Variants in CCSER1 observed in about 807,000 individuals in gnomAD.
The protein encoded by CCSER1 is serine-rich coiled-coil domain-containing protein 1.
In CCSER1, 41 loss-of-function variants were observed where a neutral mutation model predicts 82.0. The ratio of observed to expected loss-of-function variants is 0.50; its 90% confidence interval spans 0.39 to 0.65. CCSER1 has a LOEUF of 0.65. CCSER1 is among the 30% of genes least tolerant of loss of function. The pLI is 0.00. For missense variants in CCSER1, 1,119 were observed against 1,064.2 expected, an observed-to-expected ratio of 1.05 and a Z score of -0.72; for synonymous variants, 414 against 383.9, an observed-to-expected ratio of 1.08 and a Z score of -0.92.
At chr4:90,915,604 C>T (rs1727238182) in intron 8 of CCSER1, among the ~76,000 whole-genome samples, 3 of 152,220 alleles carry the variant, frequency 2.0e-5, no homozygotes, top group Admixed American at 2.0e-4. Flanking sequence ...AAAACTGGCA[C>T]AAGACAGGGA....
chr4:91,050,074 A>G (rs1742860864), intron 9 of CCSER1, among the ~76,000 whole-genome samples: 1 of 152,186 alleles, frequency 6.6e-6, no homozygotes, highest in Admixed American at 6.5e-5. Flanking sequence ...AGTATTTCAT[A>G]TATACACATT....
chr4:91,001,750 C>T (rs142749179), intron 9 of CCSER1, among the ~76,000 whole-genome samples: 1 of 152,294 alleles, frequency 6.6e-6, no homozygotes, highest in African/African-American at 2.4e-5. Context: ...AGACCGTTTA[C>T]ATTCATTGTT....
chr4:90,857,703 A>G (rs13108843), intron 8 of CCSER1, among the ~76,000 whole-genome samples: 9,923 of 152,144 alleles, frequency 0.065, 428 homozygotes, highest in Non-Finnish European at 0.092. Context: ...ATTTTTCTTT[A>G]TATTTCTATG....
At chr4:90,138,985 G>A (rs1052404787) in intron 1 of CCSER1, among the ~76,000 whole-genome samples, 1 of 152,150 alleles carries the variant, frequency 6.6e-6, no homozygotes, top group African/African-American at 2.4e-5. Flanking sequence ...AACCCAGTAT[G>A]TTTCCTGTCC....
Position 91,465,149 on chromosome 4 carries a change from A to G in CCSER1, c.2218-133423A>G, listed in dbSNP as rs1278510693. Among the ~76,000 whole-genome samples, 4 of 152,356 alleles carry G rather than the reference A, an allele frequency of 2.6e-5. No homozygotes were observed. In the East Asian group the frequency reaches 7.7e-4, roughly 29 times the overall value. On this transcript the variant is annotated intron_variant, in intron 10 of 10. Coordinates refer to ENST00000509176, the MANE Select transcript of CCSER1 (RefSeq NM_001145065.2). ...ATGGAAAAGAACAGAAATTATAACA[A>G]ACTGTCTCTCAGATGACAGTGCAAT... is the stretch of plus-strand genomic sequence containing the variant.
intron 10 of CCSER1, among the ~76,000 whole-genome samples, chr4:91,520,770 C>A (rs1180992970): frequency 6.6e-6 from 1 of 152,034 alleles, no homozygotes; most frequent in African/African-American, 2.4e-5. Context: ...CTAATTTGTA[C>A]TTTTGTTTTT....
At chr4:91,471,277 T>C (rs965057243) in intron 10 of CCSER1, among the ~76,000 whole-genome samples, 2 of 152,116 alleles carry the variant, frequency 1.3e-5, no homozygotes, top group Non-Finnish European at 2.9e-5. Flanking sequence ...ATGGAGAAAT[T>C]AGGAGAAAAC....
rs190435629 is a variant in CCSER1, at chr4:91,272,520, G to A, written c.2217+186526G>A. On this transcript the variant is annotated intron_variant, in intron 10 of 10. Coordinates refer to ENST00000509176, the MANE Select transcript of CCSER1 (RefSeq NM_001145065.2). ...TTGTCCTTTGTCAGATATATAGATT[G>A]TGAAGATTTTCTCCCACTCTGTGGG... is the stretch of plus-strand genomic sequence containing the variant. 3.9e-5 allele frequency among the ~76,000 whole-genome samples: 6 copies of A among 152,268 alleles called. No homozygotes were observed. The East Asian group carries it at 1.2e-3, about 29-fold the overall frequency.
chr4:91,390,176 T>A (rs897315195), intron 10 of CCSER1, among the ~76,000 whole-genome samples: 1 of 152,020 alleles, frequency 6.6e-6, no homozygotes, highest in Non-Finnish European at 1.5e-5. Flanking sequence ...TGTAGATTTT[T>A]AAAAAACTCA....
chr4:91,166,517 C>T (rs1201225798), intron 10 of CCSER1, among the ~76,000 whole-genome samples: 1 of 152,186 alleles, frequency 6.6e-6, no homozygotes, highest in African/African-American at 2.4e-5. Context: ...ACCGTCTAAG[C>T]ATCTACTTTT....
chr4:91,093,964 G>A (rs1056194663), intron 10 of CCSER1, among the ~76,000 whole-genome samples: 3 of 152,206 alleles, frequency 2.0e-5, no homozygotes, highest in Admixed American at 6.5e-5. Context: ...AGCTGCAGAT[G>A]ACTTGCTTTC....
At chr4:90,323,589 A>G (rs1737569877) in intron 3 of CCSER1, among the ~76,000 whole-genome samples, 1 of 152,188 alleles carries the variant, frequency 6.6e-6, no homozygotes, top group East Asian at 1.9e-4. Context: ...CAAGCTCACA[A>G]ATTTTCTGTC....
At chr4:91,355,711 G>A (rs1277849552) in intron 10 of CCSER1, among the ~76,000 whole-genome samples, 1 of 152,144 alleles carries the variant, frequency 6.6e-6, no homozygotes, top group Non-Finnish European at 1.5e-5. Flanking sequence ...CAGCTTCCGG[G>A]TGTGACTGGA....
chr4:91,251,462 A>G (rs1232287643), intron 10 of CCSER1, among the ~76,000 whole-genome samples: 1 of 152,216 alleles, frequency 6.6e-6, no homozygotes. Context: ...TTCAGTCTAT[A>G]GTAGTCACAT....
At chr4:91,515,571 A>G (rs967618763) in intron 10 of CCSER1, among the ~76,000 whole-genome samples, 74 of 152,322 alleles carry the variant, frequency 4.9e-4, no homozygotes, top group Admixed American at 4.8e-3. Flanking sequence ...TCCATGGTGT[A>G]TATATACCAC....
intron 7 of CCSER1, among the ~76,000 whole-genome samples, chr4:90,755,896 A>C (rs1749445310): frequency 6.6e-6 from 1 of 152,162 alleles, no homozygotes; most frequent in Non-Finnish European, 1.5e-5. Context: ...TTTACTCAAA[A>C]CATGTTTTCA....
intron 6 of CCSER1, among the ~76,000 whole-genome samples, chr4:90,668,874 T>C (rs1560917223): frequency 6.6e-6 from 1 of 152,070 alleles, no homozygotes; most frequent in Non-Finnish European, 1.5e-5. Flanking sequence ...TTTTAGGAAA[T>C]GTAAAAAAGT....
chr4:90,858,429 A>G (rs1278309561), intron 8 of CCSER1, among the ~76,000 whole-genome samples: 26 of 151,994 alleles, frequency 1.7e-4, no homozygotes, highest in Non-Finnish European at 8.8e-5. Context: ...ACAATTGCAC[A>G]CATAGAACCT....
intron 5 of CCSER1, among the ~76,000 whole-genome samples, chr4:90,515,083 C>T (rs1772080563): frequency 1.3e-5 from 2 of 152,046 alleles, no homozygotes; most frequent in African/African-American, 2.4e-5. Context: ...GTCTCGAACT[C>T]CTGACCTTGT....
Sources: gnomAD v4.1 joint callset for allele counts (sites outside exome capture counted in the v4.1 genomes callset) on GRCh38, gnomAD v4.1.1 for gene constraint, MANE v1.5 for transcripts, NCBI Gene and HGNC (gene_info 2026-07-23, HGNC 2026-07-21) for gene names.